MYLK: variants seen among roughly 807,000 people sequenced by gnomAD.
MYLK encodes myosin light chain kinase.
A neutral mutation model predicts 203.4 loss-of-function variants in MYLK; 106 were observed. That is an observed-to-expected ratio of 0.52 (90% CI 0.45 to 0.61). MYLK has a LOEUF of 0.61. MYLK is among the 20% of genes least tolerant of loss of function. The pLI, the probability that MYLK is intolerant of heterozygous loss-of-function variation, is 0.00. For missense variants in MYLK, 2,072 were observed against 2,442.3 expected (o/e 0.85, Z 3.20); for synonymous variants, 867 against 959.5 (o/e 0.90, Z 1.78).
intron 3 of MYLK, among the ~76,000 whole-genome samples, chr3:123,827,694 C>CATATATATATATATAT (rs3052386): frequency 4.1e-5 from 1 of 24,308 alleles, no homozygotes; most frequent in Non-Finnish European, 1.1e-4. Context: ...TGAAAAACAC[C>CATATATATATATATAT]ATATATATAT....
intron 27 of MYLK, among the ~76,000 whole-genome samples, chr3:123,643,135 T>C (rs888279490): frequency 6.6e-6 from 1 of 152,180 alleles, no homozygotes; most frequent in Non-Finnish European, 1.5e-5. Flanking sequence ...CTTATGTCCA[T>C]AGCCTTGTCT....
At chr3:123,849,622 A>G (rs948540274) in intron 2 of MYLK, among the ~76,000 whole-genome samples, 4 of 152,230 alleles carry the variant, frequency 2.6e-5, no homozygotes, top group African/African-American at 9.6e-5. Context: ...GGAGAAATGG[A>G]GAAGAAACTG....
chr3:123,717,603 G>A lies in MYLK; in HGVS notation c.1804+4525C>T, dbSNP rs201196957. ...AGCCTTGATGGAGATACTCCAGGGG[G>A]AAAAAATTTTAAATATTCTAGCCCA... is the stretch of plus-strand genomic sequence containing the variant. On this transcript the variant is annotated intron_variant, in intron 13 of 33. Coordinates refer to ENST00000360304, the MANE Select transcript of MYLK (RefSeq NM_053025.4). 5.3e-5 allele frequency among the ~76,000 whole-genome samples: 8 copies of A among 152,116 alleles called. No homozygotes were observed. In the East Asian group the frequency reaches 5.8e-4, roughly 11 times the overall value.
chr3:123,684,935 G>A (rs1364417154), intron 19 of MYLK, among the ~76,000 whole-genome samples: 1 of 152,254 alleles, frequency 6.6e-6, no homozygotes, highest in African/African-American at 2.4e-5. Flanking sequence ...CATAGAGGAG[G>A]GAGAAGAAGA....
intron 13 of MYLK, among the ~76,000 whole-genome samples, chr3:123,720,030 C>T (rs531570326): frequency 3.9e-5 from 6 of 151,982 alleles, no homozygotes; most frequent in African/African-American, 1.4e-4. Flanking sequence ...CGGGCCTGAG[C>T]GTGCGGCTGC....
At position 123,696,700 on chromosome 3, in the gene MYLK, A is replaced by AC. The variant is rs561489518; in HGVS notation, c.3448+3319dup. ...TCATTCCCTGACTGTGGTTGTGGCT[A>AC]CTACGCTAGTCTAGGCCTCACCATC... On this transcript the variant is annotated intron_variant, in intron 18 of 33. Transcript: ENST00000360304. 5.4e-4 allele frequency among the ~76,000 whole-genome samples: 82 copies of AC among 152,258 alleles called. No homozygotes were observed. The South Asian group carries it at 0.011, about 21-fold the overall frequency.
At position 123,737,384 on chromosome 3, in the gene MYLK, T is replaced by A; in HGVS notation, c.748A>T (p.Ile250Phe). Residue 250 changes from isoleucine to phenylalanine, a missense_variant, in exon 8 of 34, where the codon ATC (isoleucine) becomes TTC (phenylalanine). Ile to Phe is a conservative substitution (Grantham distance 21). Around this residue, in one of 3 missense-constraint regions of MYLK, gnomAD observed 683 missense variants for 643.8 expected, o/e 1.06. Transcript: ENST00000360304. ...GCCGTCCACTGGTCGATACCTTGGATGGAAAGTTCAGCTGACATCGAGGCC... is the reference window on the plus strand; with the variant it reads ...GCCGTCCACTGGTCGATACCTTGGAAGGAAAGTTCAGCTGACATCGAGGCC... The part of the protein sequence containing the change: ...GKASMSAELS[I>F]QGLDSANRSF... 6.2e-7 allele frequency: 1 copy of A among 1,614,154 alleles called. No homozygotes were observed. The highest frequency in any genetic ancestry group is 8.5e-7 in the Non-Finnish European group (1 of 1,180,026).
At chr3:123,810,422 G>A (rs570367394) in intron 3 of MYLK, among the ~76,000 whole-genome samples, 7 of 152,332 alleles carry the variant, frequency 4.6e-5, no homozygotes, top group South Asian at 2.1e-4. Flanking sequence ...TGGAGCTGGC[G>A]TCTGTTGAGC....
At position 123,664,194 on chromosome 3, in the gene MYLK, G is replaced by T; in HGVS notation, c.3896C>A (p.Ala1299Asp). The T allele has an allele frequency of 6.2e-7, 1 of 1,614,188 alleles. No individual in the cohort carries two copies. Among genetic ancestry groups the T allele is most frequent in the Non-Finnish European group, 8.5e-7 (1 of 1,180,032 alleles). Reference sequence around the variant, plus strand: ...GCAGCCGCAGTGCTCCTGGCGCGCGGCCAGGATGGTGAGCTTGCTGCCATT... The same window carrying T: ...GCAGCCGCAGTGCTCCTGGCGCGCGTCCAGGATGGTGAGCTTGCTGCCATT... ...SENGSKLTIL[A>D]ARQEHCGCYT... is the part of the protein sequence containing the mutation. The change falls in exon 23 of 34, where the codon GCC becomes GAC. Residue 1299 changes from alanine (A) to aspartate (D), a missense_variant. By Grantham distance (126) the Ala-to-Asp change is moderately radical (BLOSUM62 -2). Around this residue, in one of 3 missense-constraint regions of MYLK, gnomAD observed 865 missense variants for 1,016.0 expected, o/e 0.85. Transcript: ENST00000360304.
intron 3 of MYLK, among the ~76,000 whole-genome samples, chr3:123,830,860 C>A (rs1577087369): frequency 6.6e-6 from 1 of 152,162 alleles, no homozygotes; most frequent in East Asian, 1.9e-4. Flanking sequence ...TATGAAATCC[C>A]AAACGATCAC....
intron 30 of MYLK, among the ~76,000 whole-genome samples, chr3:123,627,920 G>C (rs538660605): frequency 6.6e-6 from 1 of 152,202 alleles, no homozygotes; most frequent in Non-Finnish European, 1.5e-5. Context: ...TTCAAGGTCA[G>C]ATGAGAAAAT....
chr3:123,704,396 C>T (rs2061369505), intron 16 of MYLK, among the ~76,000 whole-genome samples: 1 of 152,158 alleles, frequency 6.6e-6, no homozygotes, highest in Non-Finnish European at 1.5e-5. Context: ...GTTACAAAAT[C>T]AGGGCCGGGG....
chr3:123,827,888 T>C (rs1172940604), intron 3 of MYLK, among the ~76,000 whole-genome samples: 1 of 149,444 alleles, frequency 6.7e-6, no homozygotes, highest in Non-Finnish European at 1.5e-5. Flanking sequence ...GCAAATCCGA[T>C]TTACAATAGC....
At chr3:123,791,413 T>C (rs1343782177) in intron 4 of MYLK, among the ~76,000 whole-genome samples, 2 of 152,236 alleles carry the variant, frequency 1.3e-5, no homozygotes, top group African/African-American at 2.4e-5. Context: ...GATCATGTGA[T>C]GTGGCCCTTC....
Position 123,614,016 on chromosome 3 carries a change from T to C in MYLK, c.*89A>G, listed in dbSNP as rs1213383270. On this transcript the variant is annotated 3_prime_UTR_variant, in exon 34 of 34. Transcript: ENST00000360304. Reference sequence around the variant, plus strand: ...CGATAATCTATCACACTAGGTGCTTTTACTATCTTGAGTTTTTTTTTTTTT... The same window carrying C: ...CGATAATCTATCACACTAGGTGCTTCTACTATCTTGAGTTTTTTTTTTTTT... The C allele has an allele frequency of 3.3e-6, 5 of 1,513,744 alleles. No individual in the cohort carries two copies. 93.8% of individuals were successfully genotyped at this position (1,513,744 alleles called of 1,614,324 possible).
At chr3:123,714,481 A>G (rs2061825998) in intron 13 of MYLK, among the ~76,000 whole-genome samples, 1 of 152,154 alleles carries the variant, frequency 6.6e-6, no homozygotes, top group Non-Finnish European at 1.5e-5. Context: ...CCCAGTGACA[A>G]GGTTGTCTCA....
chr3:123,652,136 G>T (rs1286968467), intron 24 of MYLK, among the ~76,000 whole-genome samples: 1 of 152,066 alleles, frequency 6.6e-6, no homozygotes, highest in Non-Finnish European at 1.5e-5. Flanking sequence ...TTCCCTTCTT[G>T]TCCTGCCTCT....
Position 123,793,677 on chromosome 3 carries a change from C to T in MYLK, c.165G>A (p.Arg55=), listed in dbSNP as rs749471860. The T allele has an allele frequency of 1.9e-6, 3 of 1,614,068 alleles. No homozygotes were observed. In the South Asian group the frequency reaches 3.3e-5, roughly 18 times the overall value. Residue 55 remains arginine (R), a splice_region_variant and synonymous_variant, in exon 4 of 34, where the codon CGG becomes CGA. Transcript: ENST00000360304. ...CTCCCCATCCAGCCACACTTCTTAC[C>T]CGCCCTTCGAACTTGGCGGTGGCTC... The part of the protein sequence containing the change: ...KEGATAKFEG[R]VRGYPEPQVT...
chr3:123,768,922 G>A (rs2108971961), intron 4 of MYLK, among the ~76,000 whole-genome samples: 1 of 152,314 alleles, frequency 6.6e-6, no homozygotes, highest in East Asian at 1.9e-4. Flanking sequence ...TGCTTCTCCA[G>A]GACCACTTGC....
Sources: gnomAD v4.1 joint callset for allele counts (sites outside exome capture counted in the v4.1 genomes callset) on GRCh38, gnomAD v4.1.1 for gene constraint, gnomAD v4.1.1 regional missense constraint, MANE v1.5 for transcripts, NCBI Gene and HGNC (gene_info 2026-07-23, HGNC 2026-07-21) for gene names.